UNC45B: variants seen among roughly 807,000 people sequenced by gnomAD.
UNC45B encodes the protein unc-45 myosin chaperone B.
UNC45B carries 78 observed loss-of-function variants against 98.7 expected under a neutral mutation model. The ratio of observed to expected loss-of-function variants is 0.79; its 90% CI spans 0.66 to 0.95. The LOEUF is 0.95. Among genes scored for constraint, UNC45B ranks in the 40% least tolerant of loss-of-function variants. The pLI is 0.00. For missense variants in UNC45B, 1,225 were observed against 1,184.9 expected (o/e 1.03, Z -0.50); for synonymous variants, 462 against 480.4 (o/e 0.96, Z 0.50).
chr17:35,167,487 T>C (rs370733760), intron 9 of UNC45B, among the ~76,000 whole-genome samples: 1 of 152,182 alleles, frequency 6.6e-6, no homozygotes, highest in South Asian at 2.1e-4. Context: ...CTGAGCATGA[T>C]TGTGTGCACC....
rs892784470 is a variant in UNC45B at position 35,188,334 on chromosome 17, T to C, written c.*1775T>C. 6.6e-6 allele frequency: 1 copy of C among 152,204 alleles called. No individual in the cohort carries two copies. The highest frequency in any genetic ancestry group is 1.5e-5 in the Non-Finnish European group (1 of 68,030). 9.4% of individuals were successfully genotyped at this position (152,204 alleles called of 1,614,324 possible). On this transcript the variant is annotated 3_prime_UTR_variant, in exon 20 of 20. Transcript: ENST00000394570. ...CCTCATATGTGGGCTTGAGTGGGTGTATTTAGCTCCTTTAAAGGAAACTCT... is the reference window on the plus strand; with the variant it reads ...CCTCATATGTGGGCTTGAGTGGGTGCATTTAGCTCCTTTAAAGGAAACTCT...
intron 4 of UNC45B, among the ~76,000 whole-genome samples, chr17:35,150,767 C>A (rs1019035923): frequency 6.6e-6 from 1 of 151,310 alleles, no homozygotes; most frequent in Non-Finnish European, 1.5e-5. Flanking sequence ...CCCCGCCCCC[C>A]CCAAAAAAAT....
At chr17:35,184,242 G>C (rs1221647660) in intron 19 of UNC45B, among the ~76,000 whole-genome samples, 1 of 152,204 alleles carries the variant, frequency 6.6e-6, no homozygotes, top group Non-Finnish European at 1.5e-5. Flanking sequence ...AGTTCCAAGG[G>C]GGGTTACGTT....
intron 8 of UNC45B, among the ~76,000 whole-genome samples, chr17:35,163,766 A>G (rs1000126749): frequency 2.6e-5 from 4 of 152,242 alleles, no homozygotes; most frequent in Non-Finnish European, 5.9e-5. Flanking sequence ...TTTTGTACAC[A>G]TGAAAATAGA....
intron 2 of UNC45B, 102 bp downstream of exon 2, chr17:35,148,533 G>C (rs1005820481): frequency 9.6e-6 from 13 of 1,349,378 alleles, no homozygotes; most frequent in Non-Finnish European, 1.3e-5. Flanking sequence ...CATCCCAGCC[G>C]ACTCTCCTGG....
At position 35,171,264 on chromosome 17, in the gene UNC45B, G is replaced by C; in HGVS notation, c.1690-58G>C. On this transcript the variant is annotated intron_variant, in intron 12 of 19. Transcript: ENST00000394570. ...CACGTGAGGGAGCATCCTGGAAGCA[G>C]AGGTTTGTCCTAAAGTTTCCTTTCT... 6.3e-6 allele frequency: 10 copies of C among 1,590,030 alleles called. 1 individual carries two copies. Among genetic ancestry groups the C allele is most frequent in the Middle Eastern group, 1.7e-4 (1 of 5,960 alleles).
chr17:35,174,953 AAAAGAAAGAG>A (rs976902959), intron 14 of UNC45B, among the ~76,000 whole-genome samples: 3 of 38,510 alleles, frequency 7.8e-5, no homozygotes, highest in African/African-American at 4.0e-4. Flanking sequence ...GAAAGAAAGA[AAAAGAAAGAG>A]AAAGAAAGAG....
chr17:35,176,651 G>C (rs1227528254), intron 15 of UNC45B, among the ~76,000 whole-genome samples: 2 of 152,184 alleles, frequency 1.3e-5, no homozygotes, highest in African/African-American at 4.8e-5. Flanking sequence ...TTGCAGTCCA[G>C]CCTGGGCAGC....
rs4795064 is a variant in UNC45B, at chr17:35,176,322, C to T, written c.2025+288C>T. Among the ~76,000 whole-genome samples the T allele has an allele frequency of 0.6, 90,387 of 151,882 alleles. 27,220 individuals carry two copies. Among genetic ancestry groups the T allele is most frequent in the East Asian group, 0.7 (3,634 of 5,174 alleles). On this transcript the variant is annotated intron_variant, in intron 15 of 19. Coordinates refer to ENST00000394570, the MANE Select transcript of UNC45B (RefSeq NM_001267052.2). Reference sequence around the variant, plus strand: ...AGTTGAGTTCTTGCTCTTCCCATTTCTGACTGCATAACCTCAGGCAAAATA... The same window carrying T: ...AGTTGAGTTCTTGCTCTTCCCATTTTTGACTGCATAACCTCAGGCAAAATA...
intron 18 of UNC45B, among the ~76,000 whole-genome samples, chr17:35,182,249 C>G (rs547380395): frequency 2.0e-5 from 3 of 152,194 alleles, no homozygotes; most frequent in East Asian, 3.9e-4. Flanking sequence ...GCCACCACCC[C>G]TGGCTAATCT....
Position 35,170,102 on chromosome 17 carries a change from C to T in UNC45B, c.1548-12C>T. On this transcript the variant is annotated splice_polypyrimidine_tract_variant and intron_variant, in intron 11 of 19. Coordinates refer to ENST00000394570, the MANE Select transcript of UNC45B (RefSeq NM_001267052.2). ...GGGCCCCTTCCCATGTGTGCTCCCT[C>T]CTCACTTCCAGGTGGCTGTGCAATA... 1 of 1,605,876 alleles carries T rather than the reference C, an allele frequency of 6.2e-7. No homozygotes were observed. Among genetic ancestry groups the T allele is most frequent in the Non-Finnish European group, 8.5e-7 (1 of 1,174,154 alleles).
chr17:35,150,622 G>A (rs1298934106), intron 4 of UNC45B, among the ~76,000 whole-genome samples: 1 of 152,058 alleles, frequency 6.6e-6, no homozygotes, highest in Non-Finnish European at 1.5e-5. Context: ...TGGTGGGGGC[G>A]CCTGTAATCC....
rs767929982 is a variant in UNC45B at position 35,154,713 on chromosome 17, C to T, written c.611C>T (p.Ser204Leu). The T allele has an allele frequency of 6.3e-6, 10 of 1,599,686 alleles. No individual in the cohort carries two copies. Among genetic ancestry groups the T allele is most frequent in the South Asian group, 1.1e-5 (1 of 89,230 alleles). ...GTGCTGGCTGCAGTGCGGACCCTGT[C>T]GGGCATGTGCAGCGGCCACCAAGCC... is the stretch of plus-strand genomic sequence containing the variant. ...ELVLAAVRTL[S>L]GMCSGHQARA... Residue 204 changes from serine to leucine, a missense_variant, in exon 6 of 20, where the codon TCG (serine) becomes TTG (leucine). Ser to Leu is a moderately radical substitution (Grantham distance 145). Coordinates refer to ENST00000394570, the MANE Select transcript of UNC45B (RefSeq NM_001267052.2).
intron 16 of UNC45B, 94 bp from the exon 17 acceptor site, chr17:35,177,401 T>G: frequency 1.2e-6 from 1 of 867,322 alleles, no homozygotes; most frequent in Non-Finnish European, 1.8e-6. Context: ...TATGAGAAAG[T>G]GCTTTGGAAA....
rs575673797 is a variant in UNC45B, at chr17:35,148,127, G to T, written c.1-137G>T. On this transcript the variant is annotated intron_variant, in intron 1 of 19. Coordinates refer to ENST00000394570, the MANE Select transcript of UNC45B (RefSeq NM_001267052.2). ...GGCAATAGATTTGGGGGTTCTGGGGGTGGGTCCCTTCCAGGCAGAATCCCC... is the reference window on the plus strand; with the variant it reads ...GGCAATAGATTTGGGGGTTCTGGGGTTGGGTCCCTTCCAGGCAGAATCCCC... 717 of 924,254 alleles carry T rather than the reference G, an allele frequency of 7.8e-4. 12 individuals are homozygous for T. The Admixed American group carries it at 0.018, about 23-fold the overall frequency. 57.3% of individuals were successfully genotyped at this position (924,254 alleles called of 1,614,324 possible). A position where few individuals can be genotyped will look rare whatever the true frequency, so the allele number is the denominator to read the frequency against.
chr17:35,168,485 C>G (rs1597920785), intron 10 of UNC45B, 124 bp downstream of exon 10: 1 of 771,198 alleles, frequency 1.3e-6, no homozygotes, highest in Non-Finnish European at 1.8e-6. Flanking sequence ...GGCACCAGAC[C>G]CAGCCACAGA....
Position 35,150,017 on chromosome 17 carries a change from A to G in UNC45B, c.206-31A>G, listed in dbSNP as rs1350547289. The G allele has an allele frequency of 1.9e-6, 3 of 1,558,536 alleles. 1 individual carries two copies. In the South Asian group the frequency reaches 3.7e-5, roughly 19 times the overall value. ...CTGGTGGTCTGTAGTCTGGCTCCCT[A>G]AGGTCCTCATCCCCCGTCTCCCCTC... is the stretch of plus-strand genomic sequence containing the variant. On this transcript the variant is annotated intron_variant, in intron 3 of 19. Coordinates refer to ENST00000394570, the MANE Select transcript of UNC45B (RefSeq NM_001267052.2).
At chr17:35,148,833 C>A in intron 2 of UNC45B, 140 bp from the exon 3 acceptor site, 1 of 987,080 alleles carries the variant, frequency 1.0e-6, no homozygotes, top group Non-Finnish European at 1.5e-6. Context: ...TTTGCCATGC[C>A]TGTGAGGAGC....
intron 11 of UNC45B, 66 bp downstream of exon 11, chr17:35,169,997 G>A: frequency 6.2e-7 from 1 of 1,611,058 alleles, no homozygotes. Context: ...AGTCTCTGGG[G>A]TGTGCTCTAG....
Sources: gnomAD v4.1 joint callset for allele counts (sites outside exome capture counted in the v4.1 genomes callset) on GRCh38, gnomAD v4.1.1 for gene constraint, MANE v1.5 for transcripts, NCBI Gene and HGNC (gene_info 2026-07-23, HGNC 2026-07-21) for gene names.